DENND4C: variants seen among roughly 807,000 people sequenced by gnomAD.
The protein encoded by DENND4C is DENN domain-containing protein 4C.
In DENND4C, 108 loss-of-function variants were observed where a neutral mutation model predicts 203.0. The ratio of observed to expected loss-of-function variants is 0.53; its 90% CI spans 0.46 to 0.62. The LOEUF is 0.62. Ranked by LOEUF, DENND4C falls within the 20% of genes least tolerant of loss-of-function variation. The pLI is 0.00. For missense variants in DENND4C, 2,481 were observed against 2,301.2 expected (o/e 1.08, Z -1.60); for synonymous variants, 871 against 792.4 (o/e 1.10, Z -1.67).
At chr9:19,365,176 C>G (rs1309193066) in intron 30 of DENND4C, among the ~76,000 whole-genome samples, 2 of 152,192 alleles carry the variant, frequency 1.3e-5, no homozygotes, top group African/African-American at 2.4e-5. Flanking sequence ...CAGATCAAAT[C>G]CAGCAATATA....
chr9:19,263,920 A>C (rs1455773828), intron 1 of DENND4C, among the ~76,000 whole-genome samples: 1 of 152,078 alleles, frequency 6.6e-6, no homozygotes, highest in Non-Finnish European at 1.5e-5. Context: ...TTGGCCTCCC[A>C]AAGTGCTGGA....
intron 1 of DENND4C, among the ~76,000 whole-genome samples, chr9:19,272,934 AT>A (rs1273111953): frequency 3.6e-4 from 40 of 110,466 alleles, no homozygotes; most frequent in African/African-American, 1.4e-3. Flanking sequence ...CGCCTGGCTA[AT>A]TTTTGTATCC....
chr9:19,235,573 C>A (rs1323207638), intron 1 of DENND4C, among the ~76,000 whole-genome samples: 1 of 149,878 alleles, frequency 6.7e-6, no homozygotes, highest in Non-Finnish European at 1.5e-5. Flanking sequence ...ATCTACCAAT[C>A]CAGATTTATT....
chr9:19,300,606 T>C (rs1324128068), intron 9 of DENND4C, among the ~76,000 whole-genome samples: 1 of 152,228 alleles, frequency 6.6e-6, no homozygotes, highest in Non-Finnish European at 1.5e-5. Flanking sequence ...TATATGATTA[T>C]ATAATAAAAC....
chr9:19,320,872 A>G (rs1000529991), intron 12 of DENND4C, among the ~76,000 whole-genome samples: 2 of 152,256 alleles, frequency 1.3e-5, no homozygotes, highest in African/African-American at 4.8e-5. Context: ...AAAGCCTTTC[A>G]TTATAACTTG....
At chr9:19,360,211 ATAATAT>A (rs1371062587) in intron 28 of DENND4C, 27 bp from the exon 29 acceptor site, 1 of 1,597,780 alleles carries the variant, frequency 6.3e-7, no homozygotes, top group East Asian at 2.2e-5. Context: ...ATTTAAACAG[ATAATAT>A]TAATTTCTTT....
intron 1 of DENND4C, among the ~76,000 whole-genome samples, chr9:19,249,010 C>T (rs553678418): frequency 1.6e-4 from 25 of 151,866 alleles, no homozygotes; most frequent in Middle Eastern, 3.2e-3. Context: ...ATGTTGGTCC[C>T]GAACACCTGA....
chr9:19,273,184 C>A (rs140374150), intron 1 of DENND4C, among the ~76,000 whole-genome samples: 2 of 151,920 alleles, frequency 1.3e-5, no homozygotes, highest in Non-Finnish European at 2.9e-5. Flanking sequence ...ATCTCCTGAC[C>A]TCGTGATCCA....
At chr9:19,261,873 A>G (rs59549211) in intron 1 of DENND4C, among the ~76,000 whole-genome samples, 8,187 of 150,260 alleles carry the variant, frequency 0.054, 367 homozygotes, top group African/African-American at 0.12. Flanking sequence ...TAGTTGTAGC[A>G]ATTTTTTACT....
intron 1 of DENND4C, among the ~76,000 whole-genome samples, chr9:19,266,441 A>T (rs150459117): frequency 6.6e-6 from 1 of 152,140 alleles, no homozygotes; most frequent in Non-Finnish European, 1.5e-5. Context: ...TTCTTTTGCT[A>T]TGGAGAAGCT....
At chr9:19,275,675 T>C (rs1254830720) in intron 1 of DENND4C, among the ~76,000 whole-genome samples, 1 of 151,936 alleles carries the variant, frequency 6.6e-6, no homozygotes, top group Non-Finnish European at 1.5e-5. Context: ...TTTGCCGTGG[T>C]GGCTAGGCTG....
rs995725232 is a variant in DENND4C at position 19,316,252 on chromosome 9, A to G, written c.1488-165A>G. Among the ~76,000 whole-genome samples the G allele has an allele frequency of 3.3e-5, 5 of 152,260 alleles. No individual in the cohort carries two copies. In the East Asian group the frequency reaches 9.6e-4, roughly 29 times the overall value. On this transcript the variant is annotated intron_variant, in intron 10 of 32. Transcript: ENST00000434457. ...AAATTTGACAGAGGTCGATTGAATG[A>G]AAAGAGAACTTCCTTGAAATTCACT...
At chr9:19,315,036 T>C (rs904990211) in intron 10 of DENND4C, among the ~76,000 whole-genome samples, 1 of 151,626 alleles carries the variant, frequency 6.6e-6, no homozygotes, top group Non-Finnish European at 1.5e-5. Flanking sequence ...GGCGCGCCCC[T>C]GTAATCCCAG....
chr9:19,282,174 G>T (rs574893435), intron 2 of DENND4C, among the ~76,000 whole-genome samples: 1 of 151,650 alleles, frequency 6.6e-6, no homozygotes, highest in African/African-American at 2.4e-5. Flanking sequence ...CCATACAGCT[G>T]TACAAAAATA....
Position 19,336,269 on chromosome 9 carries a change from G to C in DENND4C, c.2590-1G>C, listed in dbSNP as rs1217498421. The C allele has an allele frequency of 6.2e-7, 1 of 1,607,982 alleles. No homozygotes were observed. Among genetic ancestry groups the C allele is most frequent in the Non-Finnish European group, 8.5e-7 (1 of 1,178,194 alleles). ...TATTTTTACCCTTATTTTACCTTTA[G>C]GTAGTCTTGGAGAGCCCGTGGCCTA... is the stretch of plus-strand genomic sequence containing the variant. On this transcript the variant is annotated splice_acceptor_variant, in intron 18 of 32. Transcript: ENST00000434457. LOFTEE classifies it high-confidence loss of function.
intron 26 of DENND4C, among the ~76,000 whole-genome samples, chr9:19,355,646 G>A (rs1825228275): frequency 6.6e-6 from 1 of 152,042 alleles, no homozygotes; most frequent in African/African-American, 2.4e-5. Flanking sequence ...ATGCCATGTT[G>A]TTTTCATCAC....
At chr9:19,336,449 G>C (rs764348217) in intron 19 of DENND4C, 35 bp downstream of exon 19, 1 of 1,593,100 alleles carries the variant, frequency 6.3e-7, no homozygotes, top group Non-Finnish European at 8.5e-7. Context: ...ATTCCTTACT[G>C]AACCATGAGC....
intron 24 of DENND4C, among the ~76,000 whole-genome samples, chr9:19,351,112 C>T (rs1182386328): frequency 6.6e-6 from 1 of 151,992 alleles, no homozygotes; most frequent in Non-Finnish European, 1.5e-5. Flanking sequence ...GCTCAATAAG[C>T]CCCATTTGTT....
chr9:19,361,632 C>T (rs1826513878), intron 29 of DENND4C, among the ~76,000 whole-genome samples: 2 of 152,174 alleles, frequency 1.3e-5, no homozygotes, highest in African/African-American at 4.8e-5. Context: ...AGCTAATTGT[C>T]ATCCCATTTC....
Sources: allele counts gnomAD v4.1 joint callset (sites outside exome capture counted in the v4.1 genomes callset), GRCh38; gene constraint gnomAD v4.1.1; transcripts MANE v1.5; gene names NCBI Gene and HGNC (gene_info 2026-07-23, HGNC 2026-07-21).